KRABD3: variants seen among roughly 807,000 people sequenced by gnomAD.
KRABD3 encodes KRAB domain-containing protein 3.
At chr7:149,730,710 T>A in the KRABD3 span, 1 of 1,073,536 alleles carries the variant, frequency 9.3e-7, no homozygotes. Flanking sequence ...TAGTTCCCTG[T>A]AAGGTGAGCT....
At chr7:149,724,736 T>C in the KRABD3 span, 2 of 1,554,408 alleles carry the variant, frequency 1.3e-6, no homozygotes, top group Non-Finnish European at 1.7e-6. Flanking sequence ...AACAGCTGGG[T>C]CCAGAGCCCC....
the KRABD3 span, among the ~76,000 whole-genome samples, chr7:149,716,915 G>A: frequency 6.6e-6 from 1 of 152,148 alleles, no homozygotes; most frequent in Non-Finnish European, 1.5e-5. Context: ...AGGTTGTTAT[G>A]ATCCCAGTAT....
chr7:149,728,545 A>T, the KRABD3 span: 3 of 1,613,622 alleles, frequency 1.9e-6, no homozygotes, highest in Non-Finnish European at 2.5e-6. Flanking sequence ...GAAGCTCCCC[A>T]CTGCAGGGTC....
At chr7:149,715,059 C>T in the KRABD3 span, 3 of 1,230,122 alleles carry the variant, frequency 2.4e-6, no homozygotes, top group East Asian at 3.2e-5. Context: ...CCGGGGATGG[C>T]GCGCCAGGTA....
chr7:149,730,664 G>A, the KRABD3 span: 2 of 1,445,336 alleles, frequency 1.4e-6, no homozygotes, highest in African/African-American at 2.8e-5. Flanking sequence ...GCTTTGCCTG[G>A]CTCTTGCCAG....
At chr7:149,733,463 C>T in the KRABD3 span, 148 of 1,583,316 alleles carry the variant, frequency 9.3e-5, 1 homozygote, top group African/African-American at 1.2e-3. Flanking sequence ...CCAGGTGAAT[C>T]GGCTGGGGAG....
chr7:149,721,906 C>A, the KRABD3 span: 1 of 425,702 alleles, frequency 2.3e-6, no homozygotes, highest in Non-Finnish European at 4.5e-6. Flanking sequence ...AACTGCAGAG[C>A]AGGGCAAGGG....
At chr7:149,721,782 A>G in the KRABD3 span, 1 of 661,240 alleles carries the variant, frequency 1.5e-6, no homozygotes, top group Admixed American at 2.1e-5. Flanking sequence ...ATCACTGAGC[A>G]CTTTGTACAC....
At chr7:149,721,147 A>G in the KRABD3 span, among the ~76,000 whole-genome samples, 3 of 152,202 alleles carry the variant, frequency 2.0e-5, no homozygotes, top group Admixed American at 6.5e-5. Flanking sequence ...CCGCCCTCTG[A>G]GCACATGCCC....
At chr7:149,721,594 G>A in the KRABD3 span, 48 of 1,562,486 alleles carry the variant, frequency 3.1e-5, no homozygotes, top group Non-Finnish European at 3.6e-5. Context: ...TGATCGTGGC[G>A]TCAGAGGACC....
chr7:149,716,294 A>G, the KRABD3 span, among the ~76,000 whole-genome samples: 1 of 152,284 alleles, frequency 6.6e-6, no homozygotes, highest in African/African-American at 2.4e-5. Flanking sequence ...TGTTAGGAGG[A>G]CCAGTGTGCA....
At chr7:149,728,235 C>T in the KRABD3 span, among the ~76,000 whole-genome samples, 2 of 152,366 alleles carry the variant, frequency 1.3e-5, no homozygotes, top group Admixed American at 6.5e-5. Flanking sequence ...TCATCCCTCA[C>T]GGTGGTGGCA....
At chr7:149,716,955 G>A in the KRABD3 span, among the ~76,000 whole-genome samples, 5 of 152,312 alleles carry the variant, frequency 3.3e-5, no homozygotes, top group South Asian at 2.1e-4. Context: ...GCCCAAATAG[G>A]TTAGGTTTGG....
the KRABD3 span, among the ~76,000 whole-genome samples, chr7:149,724,443 T>C: frequency 9.7e-3 from 1,469 of 152,224 alleles, 28 homozygotes; most frequent in African/African-American, 0.034. Context: ...GGTAGAAACC[T>C]TGGAGGCACC....
chr7:149,730,309 C>T, the KRABD3 span: 1 of 1,547,752 alleles, frequency 6.5e-7, no homozygotes, highest in Non-Finnish European at 8.7e-7. Context: ...GACCCGAGGC[C>T]AGAGCCTGAT....
the KRABD3 span, chr7:149,723,800 C>T: frequency 6.2e-7 from 1 of 1,613,970 alleles, no homozygotes; most frequent in East Asian, 2.2e-5. Flanking sequence ...AAGGAGCTCC[C>T]CGAGGCCCAG....
the KRABD3 span, chr7:149,721,085 G>C: frequency 1.4e-6 from 2 of 1,467,598 alleles, no homozygotes; most frequent in Non-Finnish European, 1.8e-6. Context: ...GGGCTTGCAG[G>C]CACAGGCCGG....
chr7:149,720,836 G>A, the KRABD3 span: 3 of 1,585,014 alleles, frequency 1.9e-6, no homozygotes, highest in Middle Eastern at 1.7e-4. Flanking sequence ...TCTCTGCAGG[G>A]GGACAGCCCC....
At chr7:149,722,950 T>G in the KRABD3 span, 22 of 1,589,002 alleles carry the variant, frequency 1.4e-5, no homozygotes, top group East Asian at 4.9e-4. Flanking sequence ...GAGCCCGCCC[T>G]GGGCAGGTGA....
Sources: allele counts gnomAD v4.1 joint callset (sites outside exome capture counted in the v4.1 genomes callset), GRCh38; gene constraint gnomAD v4.1.1; transcripts MANE v1.5; gene names NCBI Gene and HGNC (gene_info 2026-07-23, HGNC 2026-07-21).